The following IGFBP7 variants were observed in gnomAD, a reference collection of about 807,000 sequenced individuals.
The protein encoded by IGFBP7 is insulin-like growth factor-binding protein 7.
Under a neutral mutation model 29.4 loss-of-function variants are expected in IGFBP7, and 31 were observed. The ratio of observed to expected loss-of-function variants is 1.05; its 90% CI spans 0.79 to 1.42. IGFBP7 has a LOEUF of 1.42. Ranked by LOEUF, IGFBP7 falls within the 40% of genes most tolerant of loss-of-function variation. IGFBP7 has a pLI of 0.00. For missense variants in IGFBP7, 393 were observed against 395.5 expected, an observed-to-expected ratio of 0.99 and a Z score of 0.05; for synonymous variants, 172 against 174.9, an observed-to-expected ratio of 0.98 and a Z score of 0.13.
intron 1 of IGFBP7, among the ~76,000 whole-genome samples, chr4:57,102,355 C>T (rs1250346260): frequency 1.3e-5 from 2 of 152,200 alleles, no homozygotes; most frequent in East Asian, 1.9e-4. Flanking sequence ...ATCATTCCAT[C>T]TCAAAGCTGT....
In IGFBP7 at chr4:57,030,964, T is replaced by C. The variant is rs1317669416; in HGVS notation, c.*353A>G. ...TTCAGGAACTTATGTCTATGAGTAT[T>C]GCACCGCGAATGATGAGTGTTTAGC... On this transcript the variant is annotated 3_prime_UTR_variant, in exon 5 of 5. Coordinates refer to ENST00000295666, the MANE Select transcript of IGFBP7 (RefSeq NM_001553.3). 2.5e-6 allele frequency: 4 copies of C among 1,596,650 alleles called. No homozygotes were observed. Among genetic ancestry groups the C allele is most frequent in the African/African-American group, 2.7e-5 (2 of 74,600 alleles).
intron 1 of IGFBP7, among the ~76,000 whole-genome samples, chr4:57,052,720 G>A (rs895612050): frequency 1.3e-5 from 2 of 152,136 alleles, no homozygotes; most frequent in Non-Finnish European, 2.9e-5. Context: ...TGGTGACCGC[G>A]TGCCCAGGTC....
At chr4:57,042,615 T>TG (rs1235630504) in intron 1 of IGFBP7, among the ~76,000 whole-genome samples, 1 of 152,166 alleles carries the variant, frequency 6.6e-6, no homozygotes, top group African/African-American at 2.4e-5. Flanking sequence ...CCCAAAGTGT[T>TG]GGGATTACAG....
At chr4:57,072,396 T>A (rs1725072969) in intron 1 of IGFBP7, among the ~76,000 whole-genome samples, 1 of 152,126 alleles carries the variant, frequency 6.6e-6, no homozygotes, top group Non-Finnish European at 1.5e-5. Context: ...AGTGTGTTTG[T>A]GTGGGGTGCC....
At chr4:57,109,834 G>C in intron 1 of IGFBP7, 43 bp downstream of exon 1, 1 of 1,520,676 alleles carries the variant, frequency 6.6e-7, no homozygotes, top group Admixed American at 2.0e-5. Context: ...CCCTTCGCTG[G>C]GCCGAGCGGC....
intron 1 of IGFBP7, among the ~76,000 whole-genome samples, chr4:57,090,817 C>T (rs1725620425): frequency 6.6e-6 from 1 of 152,158 alleles, no homozygotes; most frequent in African/African-American, 2.4e-5. Flanking sequence ...CCATTGCACA[C>T]TCCAGCCTAG....
chr4:57,060,151 G>A (rs35603253), intron 1 of IGFBP7, among the ~76,000 whole-genome samples: 11,939 of 152,204 alleles, frequency 0.078, 548 homozygotes, highest in Middle Eastern at 0.095. Context: ...CTGGTCCTAC[G>A]ATAGAAATAC....
At chr4:57,087,359 T>G (rs1329082816) in intron 1 of IGFBP7, among the ~76,000 whole-genome samples, 1 of 152,208 alleles carries the variant, frequency 6.6e-6, no homozygotes, top group African/African-American at 2.4e-5. Context: ...GGGAAAACAC[T>G]GCCAACCCTT....
At chr4:57,103,463 C>T (rs1362727884) in intron 1 of IGFBP7, among the ~76,000 whole-genome samples, 1 of 152,040 alleles carries the variant, frequency 6.6e-6, no homozygotes, top group Admixed American at 6.6e-5. Context: ...TCTCCTTTCT[C>T]TTAAAAAATT....
In IGFBP7 at chr4:57,110,376, G is replaced by C; in HGVS notation, c.-25C>G. ...TGGCGGGGTGCGGTGGCAGCGGCAAGGGCGCGAGTGAGCCGTGTCGGGCCG... is the reference window on the plus strand; with the variant it reads ...TGGCGGGGTGCGGTGGCAGCGGCAACGGCGCGAGTGAGCCGTGTCGGGCCG... On this transcript the variant is annotated 5_prime_UTR_variant, in exon 1 of 5. Transcript: ENST00000295666. 2 of 1,314,358 alleles carry C rather than the reference G, an allele frequency of 1.5e-6. No individual in the cohort carries two copies. Among genetic ancestry groups the C allele is most frequent in the South Asian group, 2.1e-5 (1 of 47,522 alleles). The allele number at this position is 1,314,358 out of a possible 1,614,324, so 81.4% of individuals were successfully genotyped here.
At chr4:57,108,193 TATAA>T (rs1181593890) in intron 1 of IGFBP7, among the ~76,000 whole-genome samples, 2 of 152,266 alleles carry the variant, frequency 1.3e-5, no homozygotes, top group African/African-American at 2.4e-5. Context: ...GTGATGATAC[TATAA>T]ATAGTTACTA....
At position 57,040,856 on chromosome 4, in the gene IGFBP7, C is replaced by T. The variant is rs747825724; in HGVS notation, c.553G>A (p.Gly185Arg). The T allele has an allele frequency of 7.4e-6, 12 of 1,613,794 alleles. No individual in the cohort carries two copies. Among genetic ancestry groups the T allele is most frequent in the Admixed American group, 5.0e-5 (3 of 59,998 alleles). Residue 185 changes from glycine to arginine, a missense_variant, in exon 2 of 5, where the codon GGA (glycine) becomes AGA (arginine). Gly to Arg is a moderately radical substitution (Grantham distance 125). Transcript: ENST00000295666. ...AQVYLSCEVI[G>R]IPTPVLIWNK... ...CAGATGAGGACAGGTGTCGGGATTC[C>T]GATGACCTCACAGCTCAAGTACACC...
chr4:57,107,041 A>G (rs1726052083), intron 1 of IGFBP7, among the ~76,000 whole-genome samples: 1 of 152,208 alleles, frequency 6.6e-6, no homozygotes, highest in Admixed American at 6.5e-5. Context: ...AAGCAGACCA[A>G]GATCTCTTCC....
intron 1 of IGFBP7, among the ~76,000 whole-genome samples, chr4:57,084,238 G>A (rs199865209): frequency 6.6e-6 from 1 of 152,136 alleles, no homozygotes; most frequent in East Asian, 1.9e-4. Flanking sequence ...CAAAATTTAA[G>A]TATGTGGCTT....
chr4:57,105,759 C>T (rs963012847), intron 1 of IGFBP7, among the ~76,000 whole-genome samples: 15 of 152,040 alleles, frequency 9.9e-5, no homozygotes, highest in South Asian at 4.1e-4. Flanking sequence ...ACACAGTACA[C>T]GTGGAATAAA....
At position 57,033,312 on chromosome 4, in the gene IGFBP7, C is replaced by A. The variant is rs1488060948; in HGVS notation, c.586-1G>T. On this transcript the variant is annotated splice_acceptor_variant, in intron 2 of 4. Coordinates refer to ENST00000295666, the MANE Select transcript of IGFBP7 (RefSeq NM_001553.3). LOFTEE classifies it high-confidence loss of function. ...GAACTCCATAGTGACCCCTTTTTAC[C>A]TGCAAAAACAAAAGGAGAGTAATAC... The A allele has an allele frequency of 6.2e-7, 1 of 1,603,682 alleles. No individual in the cohort carries two copies.
At position 57,109,858 on chromosome 4, in the gene IGFBP7, G is replaced by A. The variant is rs1236769028; in HGVS notation, c.475+19C>T. On this transcript the variant is annotated intron_variant, in intron 1 of 4. Coordinates refer to ENST00000295666, the MANE Select transcript of IGFBP7 (RefSeq NM_001553.3). ...GGGCCGAGCGGCGCAGGGTTGGAGAGGGAAGCGCTCGTGCCCACCTTGCTC... is the reference window on the plus strand; with the variant it reads ...GGGCCGAGCGGCGCAGGGTTGGAGAAGGAAGCGCTCGTGCCCACCTTGCTC... The A allele has an allele frequency of 1.3e-6, 2 of 1,534,914 alleles. No homozygotes were observed. Among genetic ancestry groups the A allele is most frequent in the Non-Finnish European group, 8.7e-7 (1 of 1,146,666 alleles).
intron 1 of IGFBP7, among the ~76,000 whole-genome samples, chr4:57,068,734 G>A (rs1357557453): frequency 6.6e-6 from 1 of 152,222 alleles, no homozygotes; most frequent in Non-Finnish European, 1.5e-5. Flanking sequence ...AATGGGATTA[G>A]TTGAAGGCAC....
intron 1 of IGFBP7, among the ~76,000 whole-genome samples, chr4:57,078,739 CAGACG>C (rs201660422): frequency 0.013 from 1,974 of 151,782 alleles, 30 homozygotes; most frequent in African/African-American, 0.035. Flanking sequence ...GCTTTTTATG[CAGACG>C]GGGTCCACAG....
Sources: allele counts gnomAD v4.1 joint callset (sites outside exome capture counted in the v4.1 genomes callset), GRCh38; gene constraint gnomAD v4.1.1; transcripts MANE v1.5; gene names NCBI Gene and HGNC (gene_info 2026-07-23, HGNC 2026-07-21).